The following FGF12 variants were observed in gnomAD, a reference collection of about 807,000 sequenced individuals.
The protein encoded by FGF12 is fibroblast growth factor 12B.
Under a neutral mutation model 23.6 loss-of-function variants are expected in FGF12, and 14 were observed. The ratio of observed to expected loss-of-function variants is 0.59; its 90% CI spans 0.39 to 0.93. The LOEUF (loss-of-function observed/expected upper bound fraction) is 0.93. FGF12 is among the 40% of genes least tolerant of loss of function. The pLI, the probability that FGF12 is intolerant of heterozygous loss-of-function variation, is 0.00. For synonymous variants in FGF12, 62 were observed against 77.3 expected (o/e 0.80, Z 1.04); for missense variants, 175 against 217.8 (o/e 0.80, Z 1.24).
At chr3:192,260,948 G>T (rs992858598) in intron 4 of FGF12, among the ~76,000 whole-genome samples, 1 of 152,116 alleles carries the variant, frequency 6.6e-6, no homozygotes, top group Admixed American at 6.6e-5. Context: ...GAGAACCAAG[G>T]ATGTATAGGG....
chr3:192,252,240 C>T (rs1712062922), intron 4 of FGF12, among the ~76,000 whole-genome samples: 1 of 151,652 alleles, frequency 6.6e-6, no homozygotes, highest in Non-Finnish European at 1.5e-5. Context: ...ATGGGCAGAT[C>T]ACTTGAGCTC....
intron 2 of FGF12, among the ~76,000 whole-genome samples, chr3:192,481,986 A>G (rs1311193224): frequency 6.6e-6 from 1 of 152,218 alleles, no homozygotes; most frequent in Admixed American, 6.5e-5. Context: ...AAGAAGAGTC[A>G]CATGAAGAAG....
At chr3:192,455,111 A>G (rs1479925368) in intron 2 of FGF12, among the ~76,000 whole-genome samples, 1 of 152,176 alleles carries the variant, frequency 6.6e-6, no homozygotes, top group Non-Finnish European at 1.5e-5. Context: ...TGCTTGGAAA[A>G]GAGTGGGCAA....
chr3:192,342,257 T>C (rs1717728052), intron 3 of FGF12, among the ~76,000 whole-genome samples: 1 of 152,190 alleles, frequency 6.6e-6, no homozygotes, highest in South Asian at 2.1e-4. Flanking sequence ...AGTCATATTT[T>C]TATAATTAAG....
intron 4 of FGF12, among the ~76,000 whole-genome samples, chr3:192,202,428 G>A (rs115480447): frequency 0.03 from 4,578 of 152,242 alleles, 234 homozygotes; most frequent in African/African-American, 0.1. Context: ...TTTGTGTTTG[G>A]TCTTAGGCAC....
chr3:192,310,323 T>C (rs77516705), intron 4 of FGF12, among the ~76,000 whole-genome samples: 4,138 of 152,304 alleles, frequency 0.027, 75 homozygotes, highest in Non-Finnish European at 0.041. Context: ...CATTAAGTGA[T>C]TTATCATAAA....
At chr3:192,481,760 C>T (rs761423326) in intron 2 of FGF12, among the ~76,000 whole-genome samples, 2 of 152,148 alleles carry the variant, frequency 1.3e-5, no homozygotes, top group African/African-American at 4.8e-5. Context: ...GTTCGGTCTA[C>T]GTCTGGATTT....
rs762634765 is a variant in FGF12 at position 192,455,858 on chromosome 3, C to G, written c.14-95320G>C. 3.9e-5 allele frequency among the ~76,000 whole-genome samples: 6 copies of G among 152,230 alleles called. 1 individual carries two copies. The highest frequency in any genetic ancestry group is 7.4e-5 in the Non-Finnish European group (5 of 68,014). ...ACCAAATGTCAACAGTTCCATTGGT[C>G]CCTCAAACACAATTCCACATACATG... is the stretch of plus-strand genomic sequence containing the variant. On this transcript the variant is annotated intron_variant, in intron 2 of 5. Coordinates refer to ENST00000445105, the MANE Select transcript of FGF12 (RefSeq NM_004113.6).
chr3:192,286,030 T>C (rs1170332404), intron 4 of FGF12, among the ~76,000 whole-genome samples: 1 of 152,020 alleles, frequency 6.6e-6, no homozygotes, highest in East Asian at 1.9e-4. Flanking sequence ...AAGCAAAGAA[T>C]GGCAGGCTTA....
chr3:192,152,401 A>G (rs1714108762), intron 5 of FGF12, among the ~76,000 whole-genome samples: 1 of 91,362 alleles, frequency 1.1e-5, no homozygotes, highest in South Asian at 4.7e-4. Flanking sequence ...TTTAATTGTG[A>G]TGTTAGGGTG....
chr3:192,233,345 G>A (rs1257935528), intron 4 of FGF12, among the ~76,000 whole-genome samples: 1 of 152,166 alleles, frequency 6.6e-6, no homozygotes, highest in Non-Finnish European at 1.5e-5. Flanking sequence ...CCATGTGAAT[G>A]TCTTCTTTGG....
intron 2 of FGF12, among the ~76,000 whole-genome samples, chr3:192,628,857 C>T (rs1022259863): frequency 2.0e-5 from 3 of 151,710 alleles, no homozygotes; most frequent in Admixed American, 2.0e-4. Context: ...ACAATCCTAT[C>T]GGTTCCGTTT....
chr3:192,693,203 A>G (rs1718001647), intron 2 of FGF12, among the ~76,000 whole-genome samples: 1 of 152,174 alleles, frequency 6.6e-6, no homozygotes, highest in Non-Finnish European at 1.5e-5. Flanking sequence ...TTAAAAAAAT[A>G]CAATGGTTAG....
intron 2 of FGF12, among the ~76,000 whole-genome samples, chr3:192,503,730 G>A (rs1259828313): frequency 9.9e-5 from 15 of 150,816 alleles, no homozygotes; most frequent in Admixed American, 4.6e-4. Flanking sequence ...CTCAGCCTCC[G>A]GAGTAGCTGG....
intron 4 of FGF12, among the ~76,000 whole-genome samples, chr3:192,299,044 A>G (rs1315980977): frequency 1.3e-5 from 2 of 152,240 alleles, no homozygotes; most frequent in Non-Finnish European, 2.9e-5. Context: ...ACCTCCCACC[A>G]GGCCCCGCCT....
At chr3:192,274,051 C>T (rs1468980864) in intron 4 of FGF12, among the ~76,000 whole-genome samples, 2 of 152,030 alleles carry the variant, frequency 1.3e-5, no homozygotes, top group Non-Finnish European at 2.9e-5. Context: ...TCAAGGTTAA[C>T]ACATCCTAAT....
intron 4 of FGF12, among the ~76,000 whole-genome samples, chr3:192,264,921 A>T (rs1712985681): frequency 6.6e-6 from 1 of 152,154 alleles, no homozygotes; most frequent in Non-Finnish European, 1.5e-5. Context: ...CATCAAGGCC[A>T]TTCAGGTGTG....
At chr3:192,183,290 G>C (rs1421006461) in intron 4 of FGF12, among the ~76,000 whole-genome samples, 2 of 152,010 alleles carry the variant, frequency 1.3e-5, no homozygotes, top group Admixed American at 6.6e-5. Context: ...AGCTAGAAAC[G>C]CACATCTCAC....
intron 2 of FGF12, among the ~76,000 whole-genome samples, chr3:192,561,510 C>T (rs572933253): frequency 3.3e-5 from 5 of 151,996 alleles, no homozygotes; most frequent in Non-Finnish European, 7.4e-5. Context: ...CTACAGGCAC[C>T]CGCCACCACG....
Sources: allele counts gnomAD v4.1 joint callset (sites outside exome capture counted in the v4.1 genomes callset), GRCh38; gene constraint gnomAD v4.1.1; transcripts MANE v1.5; gene names NCBI Gene and HGNC (gene_info 2026-07-23, HGNC 2026-07-21).